BPI: variants seen among roughly 807,000 people sequenced by gnomAD.
The protein encoded by BPI is bactericidal permeability-increasing protein.
Under a neutral mutation model 57.6 loss-of-function variants are expected in BPI, and 48 were observed. The ratio of observed to expected loss-of-function variants is 0.83; its 90% confidence interval spans 0.66 to 1.06. BPI has a LOEUF of 1.06. BPI is among the 50% of genes least tolerant of loss of function. The pLI is 0.00. For synonymous variants in BPI, 237 were observed against 238.2 expected (o/e 0.99, Z 0.05); for missense variants, 651 against 609.7 (o/e 1.07, Z -0.71).
chr20:38,328,287 T>C (rs2076723919), intron 11 of BPI, among the ~76,000 whole-genome samples: 1 of 152,174 alleles, frequency 6.6e-6, no homozygotes, highest in Non-Finnish European at 1.5e-5. Flanking sequence ...GCGCGGTGGC[T>C]CACGCCTGTA....
intron 11 of BPI, among the ~76,000 whole-genome samples, chr20:38,327,885 A>C (rs780321761): frequency 6.6e-6 from 1 of 152,218 alleles, no homozygotes; most frequent in Admixed American, 6.5e-5. Flanking sequence ...TAGGTGACCA[A>C]CCATCTCAGC....
chr20:38,324,142 G>C (rs2076700703), intron 8 of BPI, 96 bp downstream of exon 8: 2 of 1,419,824 alleles, frequency 1.4e-6, no homozygotes, highest in African/African-American at 1.4e-5. Context: ...CTCACATTGG[G>C]GTAGGTTAAA....
chr20:38,314,840 G>A (rs1422073409), intron 5 of BPI, among the ~76,000 whole-genome samples: 3 of 140,262 alleles, frequency 2.1e-5, no homozygotes, highest in Non-Finnish European at 4.7e-5. Flanking sequence ...AATGGTGATG[G>A]TAATGGTGGA....
At chr20:38,313,214 T>G (rs1348902611) in intron 5 of BPI, among the ~76,000 whole-genome samples, 1 of 151,924 alleles carries the variant, frequency 6.6e-6, no homozygotes, top group Admixed American at 6.6e-5. Flanking sequence ...AGAAATCCTG[T>G]CTTTACTAAA....
chr20:38,315,091 T>C (rs1220071005), intron 5 of BPI, among the ~76,000 whole-genome samples: 2 of 152,112 alleles, frequency 1.3e-5, no homozygotes, highest in African/African-American at 4.8e-5. Flanking sequence ...GCTAAGAACT[T>C]TTTCCATGGA....
rs1030912390 is a variant in BPI, at chr20:38,310,385, C to T, written c.375-106C>T. The T allele has an allele frequency of 5.1e-6, 7 of 1,367,912 alleles. No homozygotes were observed. In the African/African-American group the frequency reaches 1.0e-4, roughly 20 times the overall value. The allele number at this position is 1,367,912 out of a possible 1,614,324, so 84.7% of individuals were successfully genotyped here. ...TCTTCTCTCTGAACGTACCTCCTCA[C>T]CTGGAGTGGGGATAATAACAAAACC... On this transcript the variant is annotated intron_variant, in intron 3 of 14. Transcript: ENST00000642449.
intron 9 of BPI, 129 bp downstream of exon 9, chr20:38,324,962 A>C (rs142308137): frequency 1.3e-6 from 1 of 772,254 alleles, no homozygotes; most frequent in East Asian, 2.6e-5. Flanking sequence ...CCAGCATGAA[A>C]GGGTGGAAAT....
At position 38,311,859 on chromosome 20, in the gene BPI, CT is replaced by C. The variant is rs1568809860; in HGVS notation, c.537-13del. ...TCAAAAAGCCTCATCTATGTCCCTA[CT>C]TGTTCATCTCTAGGTGGCTGATCCA... is the stretch of plus-strand genomic sequence containing the variant. On this transcript the variant is annotated splice_polypyrimidine_tract_variant and intron_variant, in intron 4 of 14. Coordinates refer to ENST00000642449, the MANE Select transcript of BPI (RefSeq NM_001725.3). 6.2e-7 allele frequency: 1 copy of C among 1,613,594 alleles called. No homozygotes were observed. Among genetic ancestry groups the C allele is most frequent in the East Asian group, 2.2e-5 (1 of 44,886 alleles).
At chr20:38,332,924 G>C (rs971079050) in intron 12 of BPI, among the ~76,000 whole-genome samples, 1 of 152,108 alleles carries the variant, frequency 6.6e-6, no homozygotes, top group African/African-American at 2.4e-5. Context: ...ATCCTGTCCA[G>C]CGTCTTGCTA....
intron 12 of BPI, among the ~76,000 whole-genome samples, chr20:38,333,340 T>G (rs1057462429): frequency 2.0e-5 from 3 of 152,076 alleles, no homozygotes; most frequent in South Asian, 2.1e-4. Flanking sequence ...ACTCAGTTGT[T>G]CCAGAAACAA....
At chr20:38,331,134 G>T (rs1274973925) in intron 12 of BPI, 44 bp downstream of exon 12, 1 of 1,593,896 alleles carries the variant, frequency 6.3e-7, no homozygotes, top group Admixed American at 1.7e-5. Context: ...TTCTGACCTG[G>T]CGGCGGGGAG....
In BPI at chr20:38,331,110, T is replaced by G; in HGVS notation, c.1272+20T>G. The G allele has an allele frequency of 6.2e-7, 1 of 1,613,426 alleles. No individual in the cohort carries two copies. Among genetic ancestry groups the G allele is most frequent in the East Asian group, 2.2e-5 (1 of 44,874 alleles). On this transcript the variant is annotated intron_variant, in intron 12 of 14. Coordinates refer to ENST00000642449, the MANE Select transcript of BPI (RefSeq NM_001725.3). Reference sequence around the variant, plus strand: ...TTCCCGGTGAGTCTGAGGCCCTTGGTGGCTTCTTCCTCCTTCTGACCTGGC... The same window carrying G: ...TTCCCGGTGAGTCTGAGGCCCTTGGGGGCTTCTTCCTCCTTCTGACCTGGC...
chr20:38,325,092 C>G (rs2076705947), intron 9 of BPI, among the ~76,000 whole-genome samples: 1 of 152,192 alleles, frequency 6.6e-6, no homozygotes, highest in African/African-American at 2.4e-5. Context: ...GAATGCCCAC[C>G]ATGTGCCTGG....
chr20:38,309,201 A>C, intron 3 of BPI, 143 bp downstream of exon 3: 2 of 1,212,714 alleles, frequency 1.6e-6, no homozygotes, highest in Non-Finnish European at 2.3e-6. Context: ...AATTCTTCAC[A>C]TGAGAAGATT....
Position 38,310,417 on chromosome 20 carries a change from C to G in BPI, c.375-74C>G. 1.9e-6 allele frequency: 3 copies of G among 1,551,520 alleles called. No homozygotes were observed. In the South Asian group the frequency reaches 3.6e-5, roughly 19 times the overall value. On this transcript the variant is annotated intron_variant, in intron 3 of 14. Transcript: ENST00000642449. ...TGGGGATAATAACAAAACCCGCCTT[C>G]CAGCACTGGGGCAAAGTTTGAATGT... is the stretch of plus-strand genomic sequence containing the variant.
chr20:38,324,664 T>C, intron 8 of BPI, 110 bp from the exon 9 acceptor site: 1 of 883,160 alleles, frequency 1.1e-6, no homozygotes, highest in Non-Finnish European at 1.9e-6. Context: ...ACATAGGGGC[T>C]GGCCACTGTC....
intron 12 of BPI, among the ~76,000 whole-genome samples, chr20:38,334,207 A>G (rs1374007985): frequency 6.6e-6 from 1 of 152,240 alleles, no homozygotes; most frequent in East Asian, 1.9e-4. Flanking sequence ...CATGCTTTAC[A>G]TCTGGAACCA....
At chr20:38,330,906 G>C (rs1025073536) in intron 11 of BPI, 142 bp from the exon 12 acceptor site, 13 of 899,592 alleles carry the variant, frequency 1.4e-5, no homozygotes, top group Admixed American at 1.1e-4. Context: ...ACATCGGGGG[G>C]CTGTGACCCG....
At position 38,337,407 on chromosome 20, in the gene BPI, G is replaced by C. The variant is rs574214477; in HGVS notation, c.*223G>C. The C allele has an allele frequency of 1.5e-5, 6 of 412,136 alleles. No individual in the cohort carries two copies. Among genetic ancestry groups the C allele is most frequent in the Middle Eastern group, 6.1e-4 (1 of 1,634 alleles). The allele number at this position is 412,136 out of a possible 1,614,324, so 25.5% of individuals were successfully genotyped here. On this transcript the variant is annotated 3_prime_UTR_variant, in exon 15 of 15. Coordinates refer to ENST00000642449, the MANE Select transcript of BPI (RefSeq NM_001725.3). ...TTATGAGCTTCTTTCAAGGGCTAAG[G>C]CTGCAGAGATATTTCCTCCAGGAAT...
Sources: gnomAD v4.1 joint callset for allele counts (sites outside exome capture counted in the v4.1 genomes callset) on GRCh38, gnomAD v4.1.1 for gene constraint, MANE v1.5 for transcripts, NCBI Gene and HGNC (gene_info 2026-07-23, HGNC 2026-07-21) for gene names.